Variants in TFPI observed in about 807,000 individuals in gnomAD.
TFPI encodes tissue factor pathway inhibitor, also known as anti-convertin.
A neutral mutation model predicts 34.6 loss-of-function variants in TFPI; 15 were observed. That is an observed-to-expected ratio of 0.43 (90% CI 0.29 to 0.67). The LOEUF (loss-of-function observed/expected upper bound fraction) is 0.67. TFPI is among the 30% of genes least tolerant of loss of function. TFPI has a pLI of 0.15. For missense variants in TFPI, 301 were observed against 364.0 expected, an observed-to-expected ratio of 0.83 and a Z score of 1.41; for synonymous variants, 105 against 120.1, an observed-to-expected ratio of 0.87 and a Z score of 0.82.
intron 3 of TFPI, among the ~76,000 whole-genome samples, chr2:187,490,557 C>T (rs1685049144): frequency 2.0e-5 from 3 of 151,522 alleles, no homozygotes; most frequent in Admixed American, 2.0e-4. Flanking sequence ...TTAGTGCTTA[C>T]ATATTATATC....
chr2:187,539,899 C>CTTT (rs527567767), intron 1 of TFPI, among the ~76,000 whole-genome samples: 10 of 137,898 alleles, frequency 7.3e-5, no homozygotes, highest in South Asian at 2.3e-4. Flanking sequence ...ACGTCATCTT[C>CTTT]TTTTTTTTTT....
chr2:187,467,161 A>C (rs1691759973), intron 7 of TFPI, 119 bp from the exon 8 acceptor site: 1 of 675,310 alleles, frequency 1.5e-6, no homozygotes, highest in East Asian at 3.4e-5. Context: ...TTGATTTAAA[A>C]GCCTTTAATT....
intron 1 of TFPI, among the ~76,000 whole-genome samples, chr2:187,523,173 T>G (rs1248448086): frequency 6.6e-6 from 1 of 152,082 alleles, no homozygotes; most frequent in East Asian, 1.9e-4. Flanking sequence ...GTTTAAAAAC[T>G]TCAGTGAAAT....
At chr2:187,532,665 C>A (rs1688026361) in intron 1 of TFPI, among the ~76,000 whole-genome samples, 1 of 152,114 alleles carries the variant, frequency 6.6e-6, no homozygotes, top group South Asian at 2.1e-4. Context: ...TTTGGGCAGT[C>A]ACCTACCAAG....
chr2:187,521,637 C>T (rs1422877623), intron 1 of TFPI, among the ~76,000 whole-genome samples: 1 of 152,042 alleles, frequency 6.6e-6, no homozygotes, highest in South Asian at 2.1e-4. Flanking sequence ...GGTGCAGTCT[C>T]GGCTCACTGC....
chr2:187,475,356 CTT>C (rs8176550), intron 6 of TFPI, among the ~76,000 whole-genome samples: 1,668 of 152,154 alleles, frequency 0.011, 34 homozygotes, highest in African/African-American at 0.038. Flanking sequence ...TTCAAAGAAA[CTT>C]AGAATAAAAT....
intron 1 of TFPI, among the ~76,000 whole-genome samples, chr2:187,524,611 C>T (rs1331489029): frequency 6.6e-6 from 1 of 151,918 alleles, no homozygotes; most frequent in Admixed American, 6.6e-5. Context: ...CAGTACAGAT[C>T]TTTGGATATA....
chr2:187,476,203 T>C (rs1214917293), intron 6 of TFPI, among the ~76,000 whole-genome samples: 5 of 152,126 alleles, frequency 3.3e-5, no homozygotes, highest in Admixed American at 2.6e-4. Flanking sequence ...TGTAATGCAC[T>C]GGTCAATCAG....
intron 6 of TFPI, among the ~76,000 whole-genome samples, chr2:187,470,655 T>G (rs1691979723): frequency 6.6e-6 from 1 of 152,170 alleles, no homozygotes; most frequent in South Asian, 2.1e-4. Flanking sequence ...ACCAAATCCT[T>G]TCAGAAGCCA....
chr2:187,520,877 A>C (rs1299554455), intron 1 of TFPI, among the ~76,000 whole-genome samples: 2 of 152,054 alleles, frequency 1.3e-5, no homozygotes, highest in Non-Finnish European at 2.9e-5. Flanking sequence ...GGCAAATTTG[A>C]GAGAGCATTC....
chr2:187,524,131 A>G (rs2106225267), intron 1 of TFPI, among the ~76,000 whole-genome samples: 1 of 152,124 alleles, frequency 6.6e-6, no homozygotes, highest in East Asian at 1.9e-4. Flanking sequence ...ATATACCAAA[A>G]TTTATTTATT....
At chr2:187,469,074 A>G (rs945150776) in intron 6 of TFPI, among the ~76,000 whole-genome samples, 1 of 151,990 alleles carries the variant, frequency 6.6e-6, no homozygotes, top group Non-Finnish European at 1.5e-5. Context: ...GAAATAAAAC[A>G]AAGTGAGAAA....
At chr2:187,499,309 A>T (rs192772273) in intron 2 of TFPI, among the ~76,000 whole-genome samples, 77 of 152,174 alleles carry the variant, frequency 5.1e-4, no homozygotes, top group African/African-American at 1.8e-3. Flanking sequence ...GAAATTCATA[A>T]CAAATATAAT....
intron 6 of TFPI, among the ~76,000 whole-genome samples, chr2:187,483,459 A>AT (rs1308610918): frequency 1.3e-5 from 2 of 151,924 alleles, no homozygotes; most frequent in Non-Finnish European, 2.9e-5. Flanking sequence ...TACACTGGTA[A>AT]TTTTTAGCTG....
intron 1 of TFPI, among the ~76,000 whole-genome samples, chr2:187,529,655 G>A (rs1687859091): frequency 6.6e-6 from 1 of 151,978 alleles, no homozygotes; most frequent in African/African-American, 2.4e-5. Flanking sequence ...CAACATTTTG[G>A]GGAAACACAA....
chr2:187,468,533 AT>A (rs5837040), intron 6 of TFPI, among the ~76,000 whole-genome samples: 5 of 151,648 alleles, frequency 3.3e-5, no homozygotes, highest in African/African-American at 7.3e-5. Context: ...TCTTGGTAGC[AT>A]TTTTTTTCTC....
chr2:187,519,825 T>C (rs1687256639), intron 1 of TFPI: 1 of 152,216 alleles, frequency 6.6e-6, no homozygotes, highest in South Asian at 2.1e-4. Flanking sequence ...CTGCTGCCTT[T>C]TTTTCCAGAG....
chr2:187,522,931 TAATA>T (rs1418885130), intron 1 of TFPI, among the ~76,000 whole-genome samples: 4 of 130,788 alleles, frequency 3.1e-5, no homozygotes, highest in Non-Finnish European at 6.7e-5. Flanking sequence ...AATAAATAAA[TAATA>T]AAAAACAGAG....
At chr2:187,541,554 G>C (rs933235559) in intron 1 of TFPI, among the ~76,000 whole-genome samples, 1 of 152,196 alleles carries the variant, frequency 6.6e-6, no homozygotes, top group Non-Finnish European at 1.5e-5. Context: ...ATGGAGCTCA[G>C]AATAGAGGTC....
Sources: gnomAD v4.1 joint callset for allele counts (sites outside exome capture counted in the v4.1 genomes callset) on GRCh38, gnomAD v4.1.1 for gene constraint, MANE v1.5 for transcripts, NCBI Gene and HGNC (gene_info 2026-07-23, HGNC 2026-07-21) for gene names.